Variants in POTEJ observed in about 807,000 individuals in gnomAD.
The protein encoded by POTEJ is POTE ankyrin domain family member J.
In POTEJ, 11 loss-of-function variants were observed where a neutral mutation model predicts 69.0. That is an observed-to-expected ratio of 0.16 (90% CI 0.10 to 0.26). The LOEUF is 0.26. POTEJ is among the 10% of genes least tolerant of loss of function. The pLI is 1.00. For synonymous variants in POTEJ, 117 were observed against 381.1 expected, an observed-to-expected ratio of 0.31 and a Z score of 8.07; for missense variants, 327 against 1,045.5, an observed-to-expected ratio of 0.31 and a Z score of 9.48.
chr2:130,650,176 G>T (rs1401327189), intron 13 of POTEJ, among the ~76,000 whole-genome samples: 1 of 152,272 alleles, frequency 6.6e-6, no homozygotes, highest in African/African-American at 2.4e-5. Flanking sequence ...AAACCTATTT[G>T]TGTCTTGACA....
intron 7 of POTEJ, among the ~76,000 whole-genome samples, chr2:130,631,114 C>T (rs1685882238): frequency 6.8e-6 from 1 of 146,494 alleles, no homozygotes; most frequent in Non-Finnish European, 1.5e-5. Flanking sequence ...AAATGGTGAC[C>T]AAGTTAAGTT....
At chr2:130,655,352 T>G (rs1186101100) in intron 14 of POTEJ, among the ~76,000 whole-genome samples, 1 of 152,196 alleles carries the variant, frequency 6.6e-6, no homozygotes, top group Non-Finnish European at 1.5e-5. Flanking sequence ...GATTTTCTCG[T>G]TTTTGGACAT....
chr2:130,655,984 T>C (rs1686971878), intron 14 of POTEJ, among the ~76,000 whole-genome samples: 1 of 141,954 alleles, frequency 7.0e-6, no homozygotes, highest in African/African-American at 2.7e-5. Context: ...TTGACAGTTA[T>C]AAATAAATGT....
intron 10 of POTEJ, among the ~76,000 whole-genome samples, chr2:130,640,715 G>T (rs1170777314): frequency 1.3e-5 from 2 of 152,090 alleles, no homozygotes; most frequent in African/African-American, 2.4e-5. Context: ...CATTGGCTGG[G>T]TCATACCACA....
intron 9 of POTEJ, among the ~76,000 whole-genome samples, chr2:130,636,820 T>C (rs1327573845): frequency 6.8e-6 from 1 of 147,862 alleles, no homozygotes; most frequent in African/African-American, 2.5e-5. Flanking sequence ...AGGTCGGGCA[T>C]GGTGGCTCAC....
At chr2:130,625,801 T>C (rs1043131167) in intron 6 of POTEJ, among the ~76,000 whole-genome samples, 1 of 138,100 alleles carries the variant, frequency 7.2e-6, no homozygotes, top group Non-Finnish European at 1.5e-5. Context: ...GGCAAGTTTA[T>C]GATATACTTT....
Position 130,657,422 on chromosome 2 carries a change from C to T in POTEJ, c.2662C>T (p.Gln888Ter), listed in dbSNP as rs1167389966. ...GTGCTATGTTGCCCTGGACTTCGAG[C>T]AGGAGATGGCCATGGTGGCCTCCAG... ...KLCYVALDFE[Q>*]EMAMVASSSS... is the part of the protein sequence containing the mutation. The change falls in exon 15 of 15, where the codon CAG becomes TAG. Residue 888 changes from glutamine to a stop codon, truncating the protein, a stop_gained. Coordinates refer to ENST00000409602, the MANE Select transcript of POTEJ (RefSeq NM_001277083.2). LOFTEE classifies it high-confidence loss of function. 1.9e-6 allele frequency: 3 copies of T among 1,600,150 alleles called. No homozygotes were observed. Among genetic ancestry groups the T allele is most frequent in the Non-Finnish European group, 2.6e-6 (3 of 1,172,186 alleles).
intron 13 of POTEJ, among the ~76,000 whole-genome samples, chr2:130,649,456 C>T (rs1171178390): frequency 2.0e-5 from 3 of 152,092 alleles, no homozygotes; most frequent in East Asian, 1.9e-4. Context: ...CTATCTTGTA[C>T]AACTGAGCCA....
At chr2:130,636,648 G>A (rs1220533492) in intron 9 of POTEJ, among the ~76,000 whole-genome samples, 1 of 148,112 alleles carries the variant, frequency 6.8e-6, no homozygotes, top group African/African-American at 2.5e-5. Flanking sequence ...TTTTCTCACT[G>A]TCATGAATAG....
At chr2:130,615,517 T>C (rs1203620264) in intron 1 of POTEJ, among the ~76,000 whole-genome samples, 1 of 137,444 alleles carries the variant, frequency 7.3e-6, no homozygotes, top group African/African-American at 3.1e-5. Context: ...GAAAACCAAA[T>C]ACAGCACGTT....
intron 9 of POTEJ, among the ~76,000 whole-genome samples, chr2:130,638,171 A>G (rs1292514833): frequency 6.6e-6 from 1 of 150,902 alleles, no homozygotes; most frequent in East Asian, 1.9e-4. Context: ...AAATTATTCC[A>G]TTGTTTTACT....
At chr2:130,630,769 C>T in intron 7 of POTEJ, among the ~76,000 whole-genome samples, 1 of 146,008 alleles carries the variant, frequency 6.8e-6, no homozygotes. Flanking sequence ...AAATCTTTAT[C>T]CACTGTAATT....
intron 9 of POTEJ, among the ~76,000 whole-genome samples, chr2:130,633,244 A>G (rs1274619467): frequency 1.4e-5 from 2 of 139,696 alleles, no homozygotes; most frequent in African/African-American, 5.7e-5. Context: ...CATTTCATAC[A>G]CTGCTGGTAA....
chr2:130,634,048 A>G (rs1686001825), intron 9 of POTEJ, among the ~76,000 whole-genome samples: 1 of 151,068 alleles, frequency 6.6e-6, no homozygotes, highest in Admixed American at 6.6e-5. Flanking sequence ...ACTAGTTGGG[A>G]CCACAGGTGT....
chr2:130,614,183 A>T (rs1361082942), intron 1 of POTEJ, among the ~76,000 whole-genome samples: 1 of 151,792 alleles, frequency 6.6e-6, no homozygotes, highest in Non-Finnish European at 1.5e-5. Flanking sequence ...AAAAAAAAAA[A>T]GGAATGAAAT....
chr2:130,613,328 GTATATATACATATA>G (rs1558915602), intron 1 of POTEJ, among the ~76,000 whole-genome samples: 5 of 94,964 alleles, frequency 5.3e-5, no homozygotes, highest in African/African-American at 2.8e-4. Context: ...ATATACATAT[GTATATATACATATA>G]TATGTGTGTG....
intron 3 of POTEJ, among the ~76,000 whole-genome samples, 194 bp from the exon 4 acceptor site, chr2:130,619,851 G>T (rs1468933652): frequency 3.3e-5 from 5 of 151,162 alleles, no homozygotes; most frequent in Admixed American, 2.0e-4. Flanking sequence ...AGTTACTGTG[G>T]TGAGGCAGAG....
chr2:130,641,058 A>T (rs1279508900), intron 10 of POTEJ, among the ~76,000 whole-genome samples: 1 of 152,082 alleles, frequency 6.6e-6, no homozygotes, highest in Admixed American at 6.6e-5. Flanking sequence ...ATATCTACTT[A>T]ACCGTGCTGT....
intron 1 of POTEJ, among the ~76,000 whole-genome samples, chr2:130,612,891 A>T (rs1380682015): frequency 7.3e-6 from 1 of 137,304 alleles, no homozygotes; most frequent in African/African-American, 2.7e-5. Flanking sequence ...TGATAAATTA[A>T]TTTTTTGTAA....
Sources: gnomAD v4.1 joint callset for allele counts (sites outside exome capture counted in the v4.1 genomes callset) on GRCh38, gnomAD v4.1.1 for gene constraint, MANE v1.5 for transcripts, NCBI Gene and HGNC (gene_info 2026-07-23, HGNC 2026-07-21) for gene names.